Variants in SPATA6 observed in about 807,000 individuals in gnomAD.
SPATA6 encodes the protein spermatogenesis associated 6.
SPATA6 carries 56 observed loss-of-function variants against 65.3 expected under a neutral mutation model. The ratio of observed to expected loss-of-function variants is 0.86; its 90% confidence interval spans 0.69 to 1.07. The LOEUF (loss-of-function observed/expected upper bound fraction) is 1.07, where lower values mean the gene tolerates loss of function less well. Among genes scored for constraint, SPATA6 ranks in the 50% least tolerant of loss-of-function variants. The pLI is 0.00. For missense variants in SPATA6, 590 were observed against 594.8 expected (o/e 0.99, Z 0.08); for synonymous variants, 199 against 213.2 (o/e 0.93, Z 0.58).
rs936927519 is a variant in SPATA6, at chr1:48,468,414, T to A, written c.51+3544A>T. On this transcript the variant is annotated intron_variant, in intron 1 of 12. Transcript: ENST00000371847. ...GTAGTATTCTATTGTATGTGTATAC[T>A]ACAATATATTTATCCATTCTTTTTT... Among the ~76,000 whole-genome samples the A allele has an allele frequency of 3.9e-5, 6 of 152,250 alleles. No homozygotes were observed. In the East Asian group the frequency reaches 1.2e-3, roughly 29 times the overall value.
chr1:48,461,852 C>A (rs1557736320), intron 1 of SPATA6, among the ~76,000 whole-genome samples: 1 of 152,058 alleles, frequency 6.6e-6, no homozygotes, highest in Non-Finnish European at 1.5e-5. Context: ...GGGTATATAC[C>A]CAAAGGACTA....
intron 12 of SPATA6, among the ~76,000 whole-genome samples, chr1:48,302,892 A>T (rs1644974307): frequency 6.6e-6 from 1 of 151,898 alleles, no homozygotes; most frequent in Non-Finnish European, 1.5e-5. Flanking sequence ...GTAGTATTAA[A>T]ACTTCAGTCC....
the SPATA6 span, among the ~76,000 whole-genome samples, chr1:48,289,475 T>C: frequency 0.43 from 64,906 of 152,008 alleles, 14,982 homozygotes; most frequent in African/African-American, 0.62. Flanking sequence ...TCACCAGCAG[T>C]GGAACAAAGC....
At chr1:48,332,252 TG>T (rs1645937102) in intron 11 of SPATA6, among the ~76,000 whole-genome samples, 1 of 152,126 alleles carries the variant, frequency 6.6e-6, no homozygotes, top group Non-Finnish European at 1.5e-5. Context: ...TGAATGTAAA[TG>T]GGTTAGGTGC....
chr1:48,382,440 G>A (rs1396557757), intron 9 of SPATA6, among the ~76,000 whole-genome samples: 51 of 140,624 alleles, frequency 3.6e-4, no homozygotes, highest in African/African-American at 1.4e-3. Flanking sequence ...CTCCTGGATA[G>A]GGCGGCTGGC....
At position 48,434,565 on chromosome 1, in the gene SPATA6, T is replaced by C. The variant is rs556898286; in HGVS notation, c.238+16987A>G. 3.5e-4 allele frequency among the ~76,000 whole-genome samples: 53 copies of C among 151,432 alleles called. 1 individual carries two copies. Among genetic ancestry groups the C allele is most frequent in the South Asian group, 1.9e-3 (9 of 4,766 alleles). Reference sequence around the variant, plus strand: ...ATATGTTGGTAAGAGAAGGCCTCTCTGATTATGACAAATCTGAGGAGTGAC... The same window carrying C: ...ATATGTTGGTAAGAGAAGGCCTCTCCGATTATGACAAATCTGAGGAGTGAC... On this transcript the variant is annotated intron_variant, in intron 3 of 12. Coordinates refer to ENST00000371847, the MANE Select transcript of SPATA6 (RefSeq NM_019073.4).
At chr1:48,284,033 T>C in the SPATA6 span, among the ~76,000 whole-genome samples, 3 of 152,288 alleles carry the variant, frequency 2.0e-5, no homozygotes, top group African/African-American at 7.2e-5. Context: ...TTTTTCAACT[T>C]GGTTCCATTC....
rs756781004 is a variant in SPATA6, at chr1:48,359,625, G to A, written c.1055C>T (p.Ser352Phe). Residue 352 changes from serine to phenylalanine, a missense_variant, in exon 10 of 13, where the codon TCT (serine) becomes TTT (phenylalanine). Physicochemically the swap from Ser to Phe is radical, Grantham distance 155 (BLOSUM62 -2). Transcript: ENST00000371847. ...HSAPSTMPKH[S>F]PSPVLNRASL... ...AGCTCTATTTAACACAGGGCTTGGA[G>A]AATGCTTTGGCATTGTTGAGGGTGC... is the stretch of plus-strand genomic sequence containing the variant. 15 of 1,613,550 alleles carry A rather than the reference G, an allele frequency of 9.3e-6. No individual in the cohort carries two copies. The highest frequency in any genetic ancestry group is 1.2e-5 in the Non-Finnish European group (14 of 1,179,716).
At chr1:48,423,462 GAA>G (rs575119937) in intron 3 of SPATA6, among the ~76,000 whole-genome samples, 3,394 of 96,514 alleles carry the variant, frequency 0.035, 91 homozygotes, top group African/African-American at 0.093. Flanking sequence ...ATCTCAAAAA[GAA>G]AAAAAAAAAA....
intron 12 of SPATA6, among the ~76,000 whole-genome samples, chr1:48,304,156 T>G (rs921590039): frequency 6.6e-6 from 1 of 152,204 alleles, no homozygotes; most frequent in East Asian, 1.9e-4. Context: ...AATAATATCC[T>G]AATCATTTCA....
intron 5 of SPATA6, among the ~76,000 whole-genome samples, chr1:48,405,857 C>T (rs1177812744): frequency 2.0e-5 from 3 of 152,084 alleles, no homozygotes; most frequent in East Asian, 3.9e-4. Context: ...CCACAAATTA[C>T]TTACATTCCT....
intron 9 of SPATA6, among the ~76,000 whole-genome samples, chr1:48,370,240 T>C (rs1041936577): frequency 1.3e-5 from 2 of 152,182 alleles, no homozygotes; most frequent in African/African-American, 4.8e-5. Context: ...TCTTCTGTCA[T>C]AGGGCAGAAG....
At chr1:48,350,788 A>C (rs570152319) in intron 11 of SPATA6, among the ~76,000 whole-genome samples, 1 of 152,026 alleles carries the variant, frequency 6.6e-6, no homozygotes, top group South Asian at 2.1e-4. Context: ...TTTATTGCAA[A>C]AATCTTAAAA....
intron 3 of SPATA6, among the ~76,000 whole-genome samples, chr1:48,421,725 G>C (rs1416123892): frequency 3.9e-5 from 6 of 151,966 alleles, no homozygotes; most frequent in African/African-American, 1.2e-4. Flanking sequence ...ACTCTCAAAA[G>C]CAGCAAGAAA....
At chr1:48,328,199 A>T (rs1277438965) in intron 11 of SPATA6, among the ~76,000 whole-genome samples, 1 of 152,156 alleles carries the variant, frequency 6.6e-6, no homozygotes, top group Non-Finnish European at 1.5e-5. Context: ...CTAATAAAAA[A>T]GTTCAGCAAG....
At chr1:48,466,189 A>G (rs1657794934) in intron 1 of SPATA6, among the ~76,000 whole-genome samples, 1 of 152,164 alleles carries the variant, frequency 6.6e-6, no homozygotes, top group African/African-American at 2.4e-5. Flanking sequence ...AAAAGCATTA[A>G]CTACTAGTAT....
intron 11 of SPATA6, among the ~76,000 whole-genome samples, chr1:48,321,274 C>T (rs1645591565): frequency 6.6e-6 from 1 of 152,032 alleles, no homozygotes; most frequent in African/African-American, 2.4e-5. Context: ...CAATTTCTTG[C>T]CTACAAGAAA....
At chr1:48,411,802 G>C (rs546218401) in intron 4 of SPATA6, among the ~76,000 whole-genome samples, 2 of 151,802 alleles carry the variant, frequency 1.3e-5, no homozygotes, top group East Asian at 1.9e-4. Context: ...ATATGAAGTT[G>C]GTCCAACATT....
At chr1:48,292,965 G>T (rs1452129543), downstream of SPATA6, among the ~76,000 whole-genome samples, 29 of 152,190 alleles carry the variant, frequency 1.9e-4, no homozygotes, top group Admixed American at 1.9e-3. Context: ...GTCCATGAAG[G>T]AGAAAGCCAG....
Sources: gnomAD v4.1 joint callset for allele counts (sites outside exome capture counted in the v4.1 genomes callset) on GRCh38, gnomAD v4.1.1 for gene constraint, MANE v1.5 for transcripts, NCBI Gene and HGNC (gene_info 2026-07-23, HGNC 2026-07-21) for gene names.